The following COPS3 variants were observed in gnomAD, a reference collection of about 807,000 sequenced individuals.
COPS3 encodes COP9 signalosome subunit 3.
In COPS3, 10 loss-of-function variants were observed where a neutral mutation model predicts 58.2. The ratio of observed to expected loss-of-function variants is 0.17; its 90% CI spans 0.11 to 0.29. The LOEUF (loss-of-function observed/expected upper bound fraction) is 0.29. COPS3 is among the 10% of genes least tolerant of loss of function. The probability of loss-of-function intolerance (pLI) is 1.00; values close to 1 mark genes in which losing one functional copy is unlikely to be tolerated. For missense variants in COPS3, 333 were observed against 510.1 expected (o/e 0.65, Z 3.34); for synonymous variants, 187 against 181.7 (o/e 1.03, Z -0.24).
At chr17:17,256,848 C>T (rs1450571411) in intron 8 of COPS3, among the ~76,000 whole-genome samples, 1 of 152,116 alleles carries the variant, frequency 6.6e-6, no homozygotes. Flanking sequence ...GCCTCAGCTC[C>T]CCAAAGTGCT....
intron 2 of COPS3, among the ~76,000 whole-genome samples, chr17:17,275,255 T>A (rs548626763): frequency 2.6e-5 from 4 of 151,912 alleles, no homozygotes; most frequent in African/African-American, 9.7e-5. Flanking sequence ...CACACCCGGC[T>A]AGTTTTTTTA....
chr17:17,256,584 T>C (rs992734499), intron 8 of COPS3, among the ~76,000 whole-genome samples: 4 of 152,164 alleles, frequency 2.6e-5, no homozygotes, highest in Non-Finnish European at 4.4e-5. Context: ...GCTGGGCATA[T>C]TAAAACCCTC....
chr17:17,257,587 GGAGATCGA>G (rs1230314687), intron 8 of COPS3, among the ~76,000 whole-genome samples: 4 of 151,332 alleles, frequency 2.6e-5, no homozygotes, highest in African/African-American at 9.7e-5. Flanking sequence ...CACGAGGTCA[GGAGATCGA>G]GACCATCCTA....
At chr17:17,248,577 A>G (rs1239998467) in intron 10 of COPS3, among the ~76,000 whole-genome samples, 5 of 152,030 alleles carry the variant, frequency 3.3e-5, no homozygotes, top group Non-Finnish European at 7.4e-5. Context: ...TCAGCCTCCC[A>G]AAGTGTTGGG....
intron 1 of COPS3, chr17:17,280,693 G>C (rs570400250): frequency 1.6e-5 from 20 of 1,275,678 alleles, no homozygotes; most frequent in African/African-American, 3.1e-5. Flanking sequence ...CACCCAGAAC[G>C]GACTCGCCTC....
intron 1 of COPS3, among the ~76,000 whole-genome samples, chr17:17,278,060 G>C (rs2048497996): frequency 6.6e-6 from 1 of 152,082 alleles, no homozygotes; most frequent in African/African-American, 2.4e-5. Flanking sequence ...TTTAACCTGG[G>C]ACAATCCTTG....
intron 7 of COPS3, chr17:17,261,740 T>C: frequency 2.1e-6 from 1 of 481,352 alleles, no homozygotes; most frequent in South Asian, 2.2e-5. Context: ...TAAACATCTA[T>C]AGCTGTAAGT....
chr17:17,247,296 G>C, intron 11 of COPS3, 145 bp from the exon 12 acceptor site: 3 of 961,210 alleles, frequency 3.1e-6, no homozygotes, highest in Non-Finnish European at 5.0e-6. Context: ...ACCACCCTAA[G>C]CATCCCTAAG....
chr17:17,267,551 T>C (rs572821577), intron 5 of COPS3, among the ~76,000 whole-genome samples: 10 of 151,046 alleles, frequency 6.6e-5, no homozygotes, highest in Admixed American at 6.0e-4. Context: ...GGCAGGAGAA[T>C]TGCTTGAACC....
intron 8 of COPS3, among the ~76,000 whole-genome samples, chr17:17,258,240 G>A (rs1175833742): frequency 1.3e-5 from 2 of 152,154 alleles, no homozygotes; most frequent in East Asian, 1.9e-4. Flanking sequence ...TGATGACTTT[G>A]TGAGTCACTA....
intron 8 of COPS3, among the ~76,000 whole-genome samples, chr17:17,259,739 C>T (rs1227328227): frequency 2.0e-5 from 3 of 151,922 alleles, no homozygotes; most frequent in African/African-American, 4.8e-5. Context: ...ACAAAAAATA[C>T]AAAAATTAGC....
intron 1 of COPS3, chr17:17,280,921 G>A (rs1460029432): frequency 9.1e-6 from 8 of 878,396 alleles, no homozygotes; most frequent in Non-Finnish European, 1.3e-5. Context: ...GGGAGGGGAG[G>A]CCGGCCGGCG....
chr17:17,263,162 C>T (rs2048141968), intron 6 of COPS3, among the ~76,000 whole-genome samples: 1 of 151,762 alleles, frequency 6.6e-6, no homozygotes, highest in Non-Finnish European at 1.5e-5. Context: ...GTGGCAGGCA[C>T]CTGTAGTTCC....
chr17:17,249,289 G>A (rs2047788588), intron 9 of COPS3, among the ~76,000 whole-genome samples: 1 of 152,066 alleles, frequency 6.6e-6, no homozygotes, highest in Non-Finnish European at 1.5e-5. Flanking sequence ...TGTTATTGAG[G>A]TGAAGTCCAC....
intron 2 of COPS3, among the ~76,000 whole-genome samples, chr17:17,275,787 C>G (rs965519574): frequency 2.6e-5 from 4 of 151,936 alleles, no homozygotes; most frequent in Non-Finnish European, 5.9e-5. Flanking sequence ...ACTAAAAATA[C>G]AAAAATTAGC....
intron 1 of COPS3, among the ~76,000 whole-genome samples, chr17:17,276,389 G>GA (rs2048462046): frequency 6.6e-6 from 1 of 151,940 alleles, no homozygotes; most frequent in Non-Finnish European, 1.5e-5. Flanking sequence ...CTCTGACCCT[G>GA]AATGTTTCAC....
chr17:17,262,000 T>G lies in COPS3; in HGVS notation c.728A>C (p.Lys243Thr), dbSNP rs760861624. 9 of 1,596,656 alleles carry G rather than the reference T, an allele frequency of 5.6e-6. No individual in the cohort carries two copies. Among genetic ancestry groups the G allele is most frequent in the Non-Finnish European group, 8.5e-7 (1 of 1,169,712 alleles). Residue 243 changes from lysine to threonine, a missense_variant, in exon 7 of 12, where the codon AAA becomes ACA. By Grantham distance (78) the Lys-to-Thr change is moderately conservative (BLOSUM62 -1). Coordinates refer to ENST00000268717, the MANE Select transcript of COPS3 (RefSeq NM_003653.4). ...TCTACCCACAATTTGAGATGTATAT[T>G]TTGGTAGCTGTTGTACTTTGCCAAG... ...ILLGKVQQLP[K>T]YTSQIVGRFI... is the part of the protein sequence containing the mutation.
At chr17:17,269,831 G>C (rs1030559428) in intron 4 of COPS3, among the ~76,000 whole-genome samples, 2 of 152,036 alleles carry the variant, frequency 1.3e-5, no homozygotes, top group Non-Finnish European at 2.9e-5. Context: ...AATCTAAATG[G>C]GGTCTGTCAA....
At chr17:17,268,032 A>C in intron 4 of COPS3, 55 bp from the exon 5 acceptor site, 1 of 1,593,816 alleles carries the variant, frequency 6.3e-7, no homozygotes, top group Admixed American at 1.7e-5. Flanking sequence ...AGCACATTGG[A>C]TCTTATGTTG....
Sources: gnomAD v4.1 joint callset for allele counts (sites outside exome capture counted in the v4.1 genomes callset) on GRCh38, gnomAD v4.1.1 for gene constraint, MANE v1.5 for transcripts, NCBI Gene and HGNC (gene_info 2026-07-23, HGNC 2026-07-21) for gene names.